Variants in RARB observed in about 807,000 individuals in gnomAD.
RARB encodes the protein HBV-activated protein.
A neutral mutation model predicts 51.9 loss-of-function variants in RARB; 17 were observed. The ratio of observed to expected loss-of-function variants is 0.33; its 90% CI spans 0.22 to 0.49. The LOEUF is 0.49. Ranked by LOEUF, RARB falls within the 20% of genes least tolerant of loss-of-function variation. The probability of loss-of-function intolerance (pLI) is 0.99; values close to 1 mark genes in which losing one functional copy is unlikely to be tolerated. For missense variants in RARB, 369 were observed against 550.8 expected (o/e 0.67, Z 3.30); for synonymous variants, 215 against 195.4 (o/e 1.10, Z -0.84).
At chr3:25,429,857 T>A (rs1264439145) in intron 1 of RARB, among the ~76,000 whole-genome samples, 1 of 152,230 alleles carries the variant, frequency 6.6e-6, no homozygotes, top group Non-Finnish European at 1.5e-5. Context: ...ATGGCTCAGC[T>A]ATCTATCAAA....
chr3:25,134,977 GT>G (rs1216833875), intron 4 of RARB, among the ~76,000 whole-genome samples: 4 of 151,622 alleles, frequency 2.6e-5, no homozygotes, highest in Admixed American at 1.3e-4. Context: ...TGATGCCACT[GT>G]TTAAAAATTA....
intron 3 of RARB, among the ~76,000 whole-genome samples, chr3:25,077,088 A>C (rs1698885647): frequency 6.6e-6 from 1 of 152,246 alleles, no homozygotes. Context: ...CCCAGATAGA[A>C]ATACATTGGT....
intron 3 of RARB, among the ~76,000 whole-genome samples, chr3:25,122,142 C>G (rs181466282): frequency 1.3e-5 from 2 of 152,224 alleles, no homozygotes; most frequent in Admixed American, 1.3e-4. Flanking sequence ...CACTACACCC[C>G]TTTCAATGAT....
chr3:24,938,314 C>A (rs144891717), intron 2 of RARB, among the ~76,000 whole-genome samples: 1 of 152,112 alleles, frequency 6.6e-6, no homozygotes, highest in Non-Finnish European at 1.5e-5. Flanking sequence ...TAGAGTCTTT[C>A]GTTGTACTGT....
upstream of RARB, among the ~76,000 whole-genome samples, chr3:25,423,277 C>CT (rs1401365186): frequency 1.3e-5 from 2 of 152,192 alleles, no homozygotes; most frequent in Non-Finnish European, 2.9e-5. Context: ...CTTCTTTGCA[C>CT]TAACCTAATA....
intron 5 of RARB, among the ~76,000 whole-genome samples, chr3:25,181,480 T>C (rs931062084): frequency 1.6e-4 from 24 of 152,178 alleles, no homozygotes; most frequent in African/African-American, 5.3e-4. Flanking sequence ...GTAGATGTGC[T>C]TTTGAGTGCC....
chr3:25,233,762 T>G (rs1018987621), intron 5 of RARB, among the ~76,000 whole-genome samples: 23 of 149,762 alleles, frequency 1.5e-4, no homozygotes, highest in African/African-American at 5.0e-4. Context: ...TTTGTTTGGT[T>G]GTTGTTTTTT....
At chr3:24,892,331 T>C (rs2125365067) in intron 2 of RARB, among the ~76,000 whole-genome samples, 1 of 151,878 alleles carries the variant, frequency 6.6e-6, no homozygotes, top group Admixed American at 6.6e-5. Context: ...TGAGAGATGG[T>C]ACATTATAAT....
chr3:25,187,336 A>G (rs1701002253), intron 5 of RARB, among the ~76,000 whole-genome samples: 1 of 152,126 alleles, frequency 6.6e-6, no homozygotes. Flanking sequence ...TAACCTCAAG[A>G]TAACAGGTAC....
intron 5 of RARB, among the ~76,000 whole-genome samples, chr3:25,204,534 T>G (rs1225047156): frequency 2.0e-5 from 3 of 152,136 alleles, no homozygotes; most frequent in African/African-American, 7.2e-5. Context: ...TTCTGCTCTG[T>G]TTTTTCCCCA....
chr3:25,555,499 A>G (rs1441416473), intron 3 of RARB: 3 of 152,204 alleles, frequency 2.0e-5, no homozygotes, highest in African/African-American at 7.2e-5. Context: ...TGCCTAGAAC[A>G]GTACCTGGAA....
chr3:25,140,497 T>C (rs1024698200), intron 4 of RARB, among the ~76,000 whole-genome samples: 12 of 152,160 alleles, frequency 7.9e-5, no homozygotes, highest in Non-Finnish European at 1.3e-4. Flanking sequence ...GGTCTCAAGA[T>C]CAAACTTGAA....
Position 25,403,886 on chromosome 3 carries a change from T to TAAAAAAAAAAAAAAAA in RARB, c.179-57300_179-57285dup, listed in dbSNP as rs546197894. On this transcript the variant is annotated intron_variant, in intron 5 of 11. Coordinates refer to the RARB transcript ENST00000383772. ...GTCACAAGCTGTGAATTTCTTTTTC[T>TAAAAAAAAAAAAAAAA]AAAAAAAAAAAAAAAAAAAAAATTG... Among the ~76,000 whole-genome samples the TAAAAAAAAAAAAAAAA allele has an allele frequency of 1.1e-4, 10 of 88,368 alleles. 1 individual carries two copies. The highest frequency in any genetic ancestry group is 4.3e-4 in the African/African-American group (9 of 20,818). 58.0% of individuals were successfully genotyped at this position (88,368 alleles called of 152,430 possible). A position where few individuals can be genotyped will look rare whatever the true frequency, so the allele number is the denominator to read the frequency against.
At chr3:25,323,508 A>G (rs1308622253) in intron 5 of RARB, among the ~76,000 whole-genome samples, 1 of 152,236 alleles carries the variant, frequency 6.6e-6, no homozygotes, top group Non-Finnish European at 1.5e-5. Context: ...TTAAATTCCC[A>G]AGGATTTTCT....
At chr3:25,407,918 C>G (rs9883318) in intron 5 of RARB, among the ~76,000 whole-genome samples, 2 of 152,028 alleles carry the variant, frequency 1.3e-5, no homozygotes, top group African/African-American at 4.8e-5. Flanking sequence ...CAAGTGTACA[C>G]TTCATGTCTC....
At chr3:25,548,180 A>C (rs912669054) in intron 3 of RARB, among the ~76,000 whole-genome samples, 1 of 150,218 alleles carries the variant, frequency 6.7e-6, no homozygotes, top group African/African-American at 2.5e-5. Context: ...TTCTCCCTAG[A>C]GACAGAATCA....
rs116551026 is a variant in RARB at position 25,564,185 on chromosome 3, T to G, written c.449-5573T>G. On this transcript the variant is annotated intron_variant, in intron 3 of 7. Transcript: ENST00000330688. ...GCTTGGGTGTCTGTTTTCATATTCA[T>G]AGGTCGAGATCCGTACATCAGAGGT... 3.0e-3 allele frequency among the ~76,000 whole-genome samples: 455 copies of G among 152,344 alleles called. 4 individuals are homozygous for G. The highest frequency in any genetic ancestry group is 0.01 in the African/African-American group (431 of 41,564).
rs554241627 is a variant in RARB at position 25,079,773 on chromosome 3, A to T, written c.-328+19597A>T. Among the ~76,000 whole-genome samples, 3 of 152,264 alleles carry T rather than the reference A, an allele frequency of 2.0e-5. No individual in the cohort carries two copies. In the South Asian group the frequency reaches 6.2e-4, roughly 32 times the overall value. On this transcript the variant is annotated intron_variant, in intron 3 of 11. Transcript: ENST00000383772. Reference sequence around the variant, plus strand: ...ATCCTTTCAAATATTGCTGGGCTCAATTTGCTAAAGGTTTAAGATTTTCAT... The same window carrying T: ...ATCCTTTCAAATATTGCTGGGCTCATTTTGCTAAAGGTTTAAGATTTTCAT...
chr3:25,263,234 C>T (rs960103351), intron 5 of RARB, among the ~76,000 whole-genome samples: 1 of 151,972 alleles, frequency 6.6e-6, no homozygotes, highest in African/African-American at 2.4e-5. Flanking sequence ...TTGTATATCA[C>T]TTATCAGACC....
Sources: allele counts gnomAD v4.1 joint callset (sites outside exome capture counted in the v4.1 genomes callset), GRCh38; gene constraint gnomAD v4.1.1; transcripts MANE v1.5; gene names NCBI Gene and HGNC (gene_info 2026-07-23, HGNC 2026-07-21).